TTBK2: variants seen among roughly 807,000 people sequenced by gnomAD.
TTBK2 encodes the protein tau-tubulin kinase 2.
TTBK2 carries 28 observed loss-of-function variants against 110.8 expected under a neutral mutation model. The ratio of observed to expected loss-of-function variants is 0.25; its 90% CI spans 0.19 to 0.35. TTBK2 has a LOEUF of 0.35. Ranked by LOEUF, TTBK2 falls within the 10% of genes least tolerant of loss-of-function variation. The pLI, the probability that TTBK2 is intolerant of heterozygous loss-of-function variation, is 1.00. For synonymous variants in TTBK2, 532 were observed against 527.3 expected (o/e 1.01, Z -0.12); for missense variants, 1,369 against 1,500.3 (o/e 0.91, Z 1.45).
Position 42,753,106 on chromosome 15 carries a change from A to T in TTBK2, c.2140T>A (p.Leu714Met). Reference protein sequence around the residue: ...LYSPRENFSGLVVTEGEPPSG... With the variant: ...LYSPRENFSGMVVTEGEPPSG... ...GGAGGTTCACCCTCTGTCACAACCAAGCCAGAGAAGTTTTCCCTTGGAGAG... is the reference window on the plus strand; with the variant it reads ...GGAGGTTCACCCTCTGTCACAACCATGCCAGAGAAGTTTTCCCTTGGAGAG... Residue 714 changes from leucine to methionine, a missense_variant, in exon 14 of 15, where the codon TTG becomes ATG. By Grantham distance (15) the Leu-to-Met change is conservative. This residue lies in a region of TTBK2 where 1,097 missense variants were observed against 1,114.7 expected (regional missense o/e 0.98). Transcript: ENST00000267890. The T allele has an allele frequency of 5.0e-6, 8 of 1,598,860 alleles. No homozygotes were observed. The highest frequency in any genetic ancestry group is 6.8e-6 in the Non-Finnish European group (8 of 1,173,992).
Position 42,752,920 on chromosome 15 carries a change from C to T in TTBK2, c.2326G>A (p.Glu776Lys). The change falls in exon 14 of 15, where the codon GAA becomes AAA. Residue 776 changes from glutamate (E) to lysine (K), a missense_variant. Glu to Lys is a moderately conservative substitution (Grantham distance 56, BLOSUM62 1). This residue lies in a region of TTBK2 where 1,097 missense variants were observed against 1,114.7 expected (regional missense o/e 0.98). Coordinates refer to ENST00000267890, the MANE Select transcript of TTBK2 (RefSeq NM_173500.4). ...AAAAGGATGCTTTTCTCTTCAGTTT[C>T]CCCAGGGAGATTTTCAAATTCTCTC... ...VVREFENLPG[E>K]TEEKSILLES... 1 of 1,614,160 alleles carries T rather than the reference C, an allele frequency of 6.2e-7. No homozygotes were observed. Among genetic ancestry groups the T allele is most frequent in the South Asian group, 1.1e-5 (1 of 91,076 alleles).
At chr15:42,776,125 G>A (rs776859739) in intron 12 of TTBK2, among the ~76,000 whole-genome samples, 1 of 152,188 alleles carries the variant, frequency 6.6e-6, no homozygotes, top group Non-Finnish European at 1.5e-5. Context: ...ATTACCATGT[G>A]AGGAAGAACA....
At chr15:42,789,303 G>GTGTATA (rs150075496) in intron 10 of TTBK2, among the ~76,000 whole-genome samples, 14 of 149,736 alleles carry the variant, frequency 9.3e-5, no homozygotes, top group African/African-American at 1.2e-4. Flanking sequence ...GTGTGTGTGT[G>GTGTATA]TATATATATA....
chr15:42,890,711 T>C (rs1371148743), intron 1 of TTBK2, among the ~76,000 whole-genome samples: 1 of 152,144 alleles, frequency 6.6e-6, no homozygotes, highest in African/African-American at 2.4e-5. Flanking sequence ...GCTAATGAAG[T>C]GACTCCAAGC....
chr15:42,907,964 T>A (rs1282897960), intron 1 of TTBK2, among the ~76,000 whole-genome samples: 1 of 151,708 alleles, frequency 6.6e-6, no homozygotes, highest in Non-Finnish European at 1.5e-5. Context: ...CATGTGCCTG[T>A]GGTCCCAGCT....
intron 1 of TTBK2, among the ~76,000 whole-genome samples, chr15:42,915,505 T>C (rs1206054237): frequency 6.6e-6 from 1 of 152,230 alleles, no homozygotes; most frequent in Non-Finnish European, 1.5e-5. Flanking sequence ...CATGTATGTA[T>C]AGGAAAAGCA....
intron 4 of TTBK2, among the ~76,000 whole-genome samples, chr15:42,835,352 C>G (rs1892945139): frequency 6.6e-6 from 1 of 152,058 alleles, no homozygotes; most frequent in African/African-American, 2.4e-5. Context: ...AGTATCCTTG[C>G]AAAGTAAAAC....
At chr15:42,772,192 G>A (rs1889708189) in intron 13 of TTBK2, among the ~76,000 whole-genome samples, 1 of 151,940 alleles carries the variant, frequency 6.6e-6, no homozygotes, top group South Asian at 2.1e-4. Flanking sequence ...AGACACTGTG[G>A]CTTCCATCTC....
At position 42,834,283 on chromosome 15, in the gene TTBK2, C is replaced by T. The variant is rs550344985; in HGVS notation, c.292-4205G>A. On this transcript the variant is annotated intron_variant, in intron 4 of 14. Coordinates refer to ENST00000267890, the MANE Select transcript of TTBK2 (RefSeq NM_173500.4). ...CATTGTAAATTTGAATTAGAAACAT[C>T]GATATGAACCATGGCATAATTTCTC... Among the ~76,000 whole-genome samples the T allele has an allele frequency of 7.9e-5, 12 of 151,824 alleles. No homozygotes were observed. The East Asian group carries it at 2.1e-3, about 27-fold the overall frequency.
In TTBK2 at chr15:42,791,581, T is replaced by C. The variant is rs1890686949; in HGVS notation, c.980+3063A>G. 7.2e-5 allele frequency among the ~76,000 whole-genome samples: 11 copies of C among 152,298 alleles called. No homozygotes were observed. In the South Asian group the frequency reaches 2.1e-3, roughly 29 times the overall value. On this transcript the variant is annotated intron_variant, in intron 10 of 14. Coordinates refer to ENST00000267890, the MANE Select transcript of TTBK2 (RefSeq NM_173500.4). ...CACTTTTTAATATATTCTTCAATTA[T>C]GAGATAATTTTGTCTTTGCCTTCTA...
chr15:42,792,841 A>G (rs980737189), intron 10 of TTBK2, among the ~76,000 whole-genome samples: 1 of 152,194 alleles, frequency 6.6e-6, no homozygotes, highest in East Asian at 1.9e-4. Flanking sequence ...TTTTCTGTGT[A>G]GCTTTAGTTT....
chr15:42,824,661 G>A (rs1483527025), intron 6 of TTBK2, among the ~76,000 whole-genome samples: 1 of 152,056 alleles, frequency 6.6e-6, no homozygotes, highest in East Asian at 1.9e-4. Flanking sequence ...AACAGTATCT[G>A]TTATGATGAG....
In TTBK2 at chr15:42,763,084, T is replaced by TATATATATA. The variant is rs1567008356; in HGVS notation, c.1999-9838_1999-9837insTATATATAT. On this transcript the variant is annotated intron_variant, in intron 13 of 14. Transcript: ENST00000267890. ...TATAGGATGATTACAGTTAACAATTTTATATATATATATATATACGTATAT... is the reference window on the plus strand; with the variant it reads ...TATAGGATGATTACAGTTAACAATTTATATATATATATATATATATATATATACGTATAT... Among the ~76,000 whole-genome samples, 34 of 108,788 alleles carry TATATATATA rather than the reference T, an allele frequency of 3.1e-4. 1 individual carries two copies. Among genetic ancestry groups the TATATATATA allele is most frequent in the East Asian group, 1.6e-3 (5 of 3,158 alleles). 71.4% of individuals were successfully genotyped at this position (108,788 alleles called of 152,430 possible).
chr15:42,868,677 C>T (rs1894482628), intron 3 of TTBK2, among the ~76,000 whole-genome samples: 1 of 149,986 alleles, frequency 6.7e-6, no homozygotes, highest in South Asian at 2.1e-4. Flanking sequence ...GGCAACAAAG[C>T]CAGACTCTAC....
intron 9 of TTBK2, among the ~76,000 whole-genome samples, chr15:42,802,814 A>G (rs1891281723): frequency 6.6e-6 from 1 of 152,164 alleles, no homozygotes; most frequent in Admixed American, 6.5e-5. Flanking sequence ...GCCAAAGGAG[A>G]TTAACATTTG....
In TTBK2 at chr15:42,752,497, A is replaced by G; in HGVS notation, c.2749T>C (p.Phe917Leu). The change falls in exon 14 of 15, where the codon TTT becomes CTT. Residue 917 changes from phenylalanine to leucine, a missense_variant. Physicochemically the swap from Phe to Leu is conservative, Grantham distance 22. This residue lies in a region of TTBK2 where 1,097 missense variants were observed against 1,114.7 expected (regional missense o/e 0.98). Coordinates refer to ENST00000267890, the MANE Select transcript of TTBK2 (RefSeq NM_173500.4). ...TGTTCATTCTCTGAAACACAATGAA[A>G]TAGTTCTCCATTTCTAGGGGTGATT... ...EKITPRNGEL[F>L]HCVSENEHGA... 1 of 1,614,182 alleles carries G rather than the reference A, an allele frequency of 6.2e-7. No homozygotes were observed. The highest frequency in any genetic ancestry group is 8.5e-7 in the Non-Finnish European group (1 of 1,180,030).
chr15:42,840,439 T>TA lies in TTBK2; in HGVS notation c.218-7dup, dbSNP rs760573638. On this transcript the variant is annotated splice_region_variant and splice_polypyrimidine_tract_variant and intron_variant, in intron 3 of 14. Transcript: ENST00000267890. Reference sequence around the variant, plus strand: ...TCTACAAACATGGTCTTTCCCTGGATAAAAAAAGAAAACAGTGGAAAAGAA... The same window carrying TA: ...TCTACAAACATGGTCTTTCCCTGGATAAAAAAAAGAAAACAGTGGAAAAGAA... The TA allele has an allele frequency of 2.7e-5, 43 of 1,613,054 alleles. No individual in the cohort carries two copies. Among genetic ancestry groups the TA allele is most frequent in the Non-Finnish European group, 3.6e-5 (43 of 1,179,258 alleles).
intron 3 of TTBK2, among the ~76,000 whole-genome samples, chr15:42,850,454 C>T (rs551086862): frequency 1.3e-5 from 2 of 152,268 alleles, no homozygotes; most frequent in South Asian, 4.1e-4. Flanking sequence ...CTACAATTTA[C>T]TTTTCAGAGT....
intron 13 of TTBK2, among the ~76,000 whole-genome samples, chr15:42,754,869 G>A (rs1209226345): frequency 1.3e-5 from 2 of 150,664 alleles, no homozygotes; most frequent in East Asian, 4.0e-4. Flanking sequence ...TAAACTGGGC[G>A]TGGTGGCACA....
Sources: gnomAD v4.1 joint callset for allele counts (sites outside exome capture counted in the v4.1 genomes callset) on GRCh38, gnomAD v4.1.1 for gene constraint, gnomAD v4.1.1 regional missense constraint, MANE v1.5 for transcripts, NCBI Gene and HGNC (gene_info 2026-07-23, HGNC 2026-07-21) for gene names.